The following KCNH1 variants were observed in gnomAD, a reference collection of about 807,000 sequenced individuals.
KCNH1 encodes potassium voltage-gated channel subfamily H member 1.
A neutral mutation model predicts 69.2 loss-of-function variants in KCNH1; 27 were observed. That is an observed-to-expected ratio of 0.39 (90% CI 0.29 to 0.54). The LOEUF is 0.54. KCNH1 is among the 20% of genes least tolerant of loss of function. The pLI is 0.68. For missense variants in KCNH1, 798 were observed against 1,261.6 expected (o/e 0.63, Z 5.57); for synonymous variants, 456 against 487.7 (o/e 0.93, Z 0.86).
At chr1:210,958,475 G>A (rs935033284) in intron 6 of KCNH1, among the ~76,000 whole-genome samples, 3 of 152,204 alleles carry the variant, frequency 2.0e-5, no homozygotes, top group African/African-American at 7.2e-5. Flanking sequence ...GGTTGGGGAA[G>A]TTCTTCTGGA....
chr1:210,951,197 GA>G (rs1424390991), intron 6 of KCNH1, among the ~76,000 whole-genome samples: 1 of 152,196 alleles, frequency 6.6e-6, no homozygotes, highest in African/African-American at 2.4e-5. Context: ...GGCTACGACA[GA>G]AACTCCACTA....
intron 10 of KCNH1, among the ~76,000 whole-genome samples, chr1:210,752,906 C>T (rs569657161): frequency 7.0e-4 from 107 of 152,020 alleles, no homozygotes; most frequent in Non-Finnish European, 1.3e-3. Flanking sequence ...TGACTATGTT[C>T]GTATAAGAGA....
intron 7 of KCNH1, chr1:210,861,724 AG>A: frequency 1.3e-6 from 1 of 774,708 alleles, no homozygotes; most frequent in Non-Finnish European, 2.4e-6. Flanking sequence ...CTGGTCAGAA[AG>A]AAGCTGGATA....
At chr1:210,975,745 C>G (rs1487572115) in intron 6 of KCNH1, among the ~76,000 whole-genome samples, 1 of 152,154 alleles carries the variant, frequency 6.6e-6, no homozygotes, top group Non-Finnish European at 1.5e-5. Flanking sequence ...CCAAAATTGA[C>G]AAATGGGATC....
chr1:210,888,733 G>A (rs1256308521), intron 7 of KCNH1, among the ~76,000 whole-genome samples: 3 of 152,102 alleles, frequency 2.0e-5, no homozygotes, highest in Non-Finnish European at 4.4e-5. Flanking sequence ...TATCACCACT[G>A]ATCCCACAGA....
intron 10 of KCNH1, among the ~76,000 whole-genome samples, chr1:210,765,008 T>C (rs1166403471): frequency 6.6e-6 from 1 of 152,168 alleles, no homozygotes; most frequent in Non-Finnish European, 1.5e-5. Context: ...ATATACACTA[T>C]GGAATACTAC....
At chr1:210,826,523 G>T (rs1231534640) in intron 7 of KCNH1, among the ~76,000 whole-genome samples, 1 of 152,136 alleles carries the variant, frequency 6.6e-6, no homozygotes, top group Non-Finnish European at 1.5e-5. Context: ...AACAATGTAG[G>T]AAGCATGACA....
chr1:210,807,541 G>A (rs767381357), intron 7 of KCNH1, among the ~76,000 whole-genome samples: 2 of 152,122 alleles, frequency 1.3e-5, no homozygotes, highest in Non-Finnish European at 2.9e-5. Context: ...GAACCTGGGA[G>A]GTGCATGTTG....
intron 10 of KCNH1, among the ~76,000 whole-genome samples, chr1:210,750,305 C>T (rs754838200): frequency 9.9e-5 from 15 of 152,268 alleles, no homozygotes; most frequent in East Asian, 1.9e-4. Context: ...AGAGTACAGA[C>T]GCTAACTGTG....
At chr1:210,841,782 A>G (rs1453957078) in intron 7 of KCNH1, among the ~76,000 whole-genome samples, 2 of 152,144 alleles carry the variant, frequency 1.3e-5, no homozygotes, top group Admixed American at 1.3e-4. Flanking sequence ...TCTAAGGACC[A>G]ATGAACCCTA....
At chr1:210,912,326 G>A (rs1204981974) in intron 7 of KCNH1, among the ~76,000 whole-genome samples, 1 of 152,110 alleles carries the variant, frequency 6.6e-6, no homozygotes, top group Non-Finnish European at 1.5e-5. Flanking sequence ...AGCCTGGGAG[G>A]ACTTCCCAAC....
Position 211,103,506 on chromosome 1 carries a change from G to C in KCNH1, c.300C>G (p.Tyr100Ter). The change falls in exon 3 of 11, where the codon TAC becomes TAG. Residue 100 changes from tyrosine to a stop codon, truncating the protein, a stop_gained. Transcript: ENST00000271751. LOFTEE classifies it high-confidence loss of function. ...GGTCTCAATACTCACTGTTCTTCTTGTACATCAGAATTTCAAAGGAATTCA... is the reference window on the plus strand; with the variant it reads ...GGTCTCAATACTCACTGTTCTTCTTCTACATCAGAATTTCAAAGGAATTCA... The part of the protein sequence containing the change: ...YEMNSFEILM[Y>*]KKNRTPVWFF... 6.2e-7 allele frequency: 1 copy of C among 1,603,520 alleles called. No homozygotes were observed. The highest frequency in any genetic ancestry group is 8.5e-7 in the Non-Finnish European group (1 of 1,171,160).
At chr1:211,066,230 A>T (rs867656875) in intron 5 of KCNH1, among the ~76,000 whole-genome samples, 1 of 152,312 alleles carries the variant, frequency 6.6e-6, no homozygotes, top group African/African-American at 2.4e-5. Context: ...AAATTGAGAA[A>T]GCTTCTAGAA....
chr1:210,770,200 T>C (rs906830875), intron 10 of KCNH1, among the ~76,000 whole-genome samples: 1 of 151,838 alleles, frequency 6.6e-6, no homozygotes, highest in African/African-American at 2.4e-5. Flanking sequence ...TGGGGCCTGT[T>C]TGGGGTGTGG....
intron 6 of KCNH1, among the ~76,000 whole-genome samples, chr1:210,985,079 T>C (rs1042692330): frequency 3.3e-5 from 5 of 152,222 alleles, no homozygotes; most frequent in Admixed American, 6.5e-5. Context: ...GTAGAGATGT[T>C]TCTAGTATTC....
intron 3 of KCNH1, among the ~76,000 whole-genome samples, chr1:211,092,061 A>T (rs1482802023): frequency 6.6e-6 from 1 of 152,220 alleles, no homozygotes; most frequent in African/African-American, 2.4e-5. Flanking sequence ...CTATTTTATA[A>T]CCATTTGCAA....
intron 5 of KCNH1, among the ~76,000 whole-genome samples, chr1:211,034,608 G>A (rs774037265): frequency 3.3e-5 from 5 of 152,056 alleles, no homozygotes; most frequent in African/African-American, 7.2e-5. Flanking sequence ...CACTTACATC[G>A]TTTCTTACAA....
chr1:210,836,140 T>A (rs902093691), intron 7 of KCNH1, among the ~76,000 whole-genome samples: 2 of 147,098 alleles, frequency 1.4e-5, no homozygotes, highest in African/African-American at 2.6e-5. Flanking sequence ...AAAATTTCTA[T>A]ATTGGGCTTC....
chr1:210,790,640 C>T (rs1445435320), intron 9 of KCNH1, among the ~76,000 whole-genome samples: 4 of 152,212 alleles, frequency 2.6e-5, no homozygotes, highest in Admixed American at 6.5e-5. Flanking sequence ...GTATTGTTTA[C>T]GTGACATTCA....
Sources: gnomAD v4.1 joint callset for allele counts (sites outside exome capture counted in the v4.1 genomes callset) on GRCh38, gnomAD v4.1.1 for gene constraint, MANE v1.5 for transcripts, NCBI Gene and HGNC (gene_info 2026-07-23, HGNC 2026-07-21) for gene names.